The following GRIK2 variants were observed in gnomAD, a reference collection of about 807,000 sequenced individuals.
GRIK2 encodes the protein glutamate ionotropic receptor kainate type subunit 2, also known as glutamate receptor ionotropic, kainate 2.
Under a neutral mutation model 100.3 loss-of-function variants are expected in GRIK2, and 32 were observed. That is an observed-to-expected ratio of 0.32 (90% CI 0.24 to 0.43). The LOEUF is 0.43. Among genes scored for constraint, GRIK2 ranks in the 20% least tolerant of loss-of-function variants. The pLI is 1.00. For missense variants in GRIK2, 843 were observed against 1,114.9 expected (o/e 0.76, Z 3.47); for synonymous variants, 417 against 389.4 (o/e 1.07, Z -0.83).
intron 2 of GRIK2, among the ~76,000 whole-genome samples, chr6:101,494,104 A>G (rs1351832355): frequency 1.3e-5 from 2 of 149,616 alleles, no homozygotes; most frequent in African/African-American, 4.9e-5. Flanking sequence ...ACACAGCAGA[A>G]ACAGTTTTAT....
At chr6:101,975,365 A>G (rs191352998) in intron 14 of GRIK2, among the ~76,000 whole-genome samples, 7 of 152,126 alleles carry the variant, frequency 4.6e-5, no homozygotes, top group Non-Finnish European at 2.9e-5. Flanking sequence ...CACTTAATTC[A>G]CCAAGATTTA....
chr6:101,966,856 G>T (rs1049892027), intron 14 of GRIK2, among the ~76,000 whole-genome samples: 1 of 151,898 alleles, frequency 6.6e-6, no homozygotes, highest in Non-Finnish European at 1.5e-5. Flanking sequence ...ATACTCTCCA[G>T]TACTTGTTAT....
intron 14 of GRIK2, among the ~76,000 whole-genome samples, chr6:101,972,336 C>A (rs1051667613): frequency 6.6e-6 from 1 of 152,130 alleles, no homozygotes; most frequent in Admixed American, 6.6e-5. Flanking sequence ...TTTTGATTTA[C>A]ATTTCTCTGA....
chr6:101,573,266 T>C (rs1777641849), intron 2 of GRIK2, among the ~76,000 whole-genome samples: 1 of 152,180 alleles, frequency 6.6e-6, no homozygotes, highest in Non-Finnish European at 1.5e-5. Context: ...TCGAATCATC[T>C]TTTATTGTCT....
intron 7 of GRIK2, among the ~76,000 whole-genome samples, chr6:101,732,070 T>C (rs2128371775): frequency 6.6e-6 from 1 of 152,152 alleles, no homozygotes; most frequent in East Asian, 1.9e-4. Flanking sequence ...TATTATATAA[T>C]ACATTTGTCA....
At chr6:101,652,900 A>C (rs958523228) in intron 4 of GRIK2, among the ~76,000 whole-genome samples, 1 of 151,170 alleles carries the variant, frequency 6.6e-6, no homozygotes, top group African/African-American at 2.5e-5. Flanking sequence ...TGTGTTTGCC[A>C]TAGGAAAGAG....
chr6:102,035,449 G>C lies in GRIK2; in HGVS notation c.2194G>C (p.Asp732His). The stretch of plus-strand genomic sequence containing the variant: ...AGGAATCCAGCGAGTCCTCACCTCT[G>C]ATTATGCTTTCCTAATGGAGTCAAC... ...EEGIQRVLTS[D>H]YAFLMESTTI... Residue 732 changes from aspartate (D) to histidine (H), a missense_variant, in exon 15 of 17, where the codon GAT becomes CAT. By Grantham distance (81) the Asp-to-His change is moderately conservative. Transcript: ENST00000369134. The C allele has an allele frequency of 6.2e-7, 1 of 1,608,804 alleles. No homozygotes were observed. The highest frequency in any genetic ancestry group is 8.5e-7 in the Non-Finnish European group (1 of 1,176,122).
chr6:101,914,065 G>A (rs186033152), intron 12 of GRIK2, among the ~76,000 whole-genome samples: 1 of 151,496 alleles, frequency 6.6e-6, no homozygotes, highest in African/African-American at 2.4e-5. Flanking sequence ...GAGATGTGTT[G>A]GTTTGGAGGT....
At chr6:101,444,544 A>G (rs1770258316) in intron 2 of GRIK2, among the ~76,000 whole-genome samples, 1 of 152,130 alleles carries the variant, frequency 6.6e-6, no homozygotes, top group Non-Finnish European at 1.5e-5. Context: ...TTTTAAAGGT[A>G]TAATGATTCA....
chr6:101,808,360 A>G (rs1055994718), intron 9 of GRIK2, among the ~76,000 whole-genome samples: 1 of 152,086 alleles, frequency 6.6e-6, no homozygotes, highest in Admixed American at 6.6e-5. Flanking sequence ...AGAATTTCCT[A>G]TAGGAAACTG....
intron 2 of GRIK2, among the ~76,000 whole-genome samples, chr6:101,610,247 A>G (rs942756335): frequency 9.2e-5 from 14 of 151,780 alleles, no homozygotes; most frequent in African/African-American, 3.4e-4. Flanking sequence ...CATATAAATA[A>G]TAGATACTGT....
At chr6:101,481,644 T>C (rs1260970943) in intron 2 of GRIK2, among the ~76,000 whole-genome samples, 1 of 152,186 alleles carries the variant, frequency 6.6e-6, no homozygotes, top group African/African-American at 2.4e-5. Context: ...TTCTGATAAA[T>C]ACAATTTAAT....
At chr6:102,025,678 T>C (rs1224272903) in intron 14 of GRIK2, among the ~76,000 whole-genome samples, 2 of 151,346 alleles carry the variant, frequency 1.3e-5, no homozygotes, top group Non-Finnish European at 3.0e-5. Flanking sequence ...CATACTCATA[T>C]TGTGATATGT....
chr6:101,906,374 G>GTGTGTGTGTGTGTGTT (rs753426869), intron 12 of GRIK2, among the ~76,000 whole-genome samples: 13,381 of 151,018 alleles, frequency 0.089, 777 homozygotes, highest in Middle Eastern at 0.2. Flanking sequence ...ATCTGTGTGT[G>GTGTGTGTGTGTGTGTT]TGTGTGTGTG....
At chr6:101,753,210 G>A (rs572229866) in intron 7 of GRIK2, among the ~76,000 whole-genome samples, 21 of 150,802 alleles carry the variant, frequency 1.4e-4, no homozygotes, top group Non-Finnish European at 2.9e-4. Context: ...GTGAACCTGG[G>A]AGGCGGAGCT....
At chr6:101,648,101 T>C (rs1437977004) in intron 4 of GRIK2, among the ~76,000 whole-genome samples, 1 of 152,082 alleles carries the variant, frequency 6.6e-6, no homozygotes, top group Non-Finnish European at 1.5e-5. Context: ...ACTGGCTTCA[T>C]TTGAGTATAT....
At chr6:101,675,576 T>C (rs1242069325) in intron 4 of GRIK2, among the ~76,000 whole-genome samples, 1 of 152,178 alleles carries the variant, frequency 6.6e-6, no homozygotes, top group East Asian at 1.9e-4. Context: ...TTTTATATAG[T>C]GGATCTTTTG....
chr6:101,399,684 C>G (rs1016403708), intron 2 of GRIK2, among the ~76,000 whole-genome samples: 1 of 152,184 alleles, frequency 6.6e-6, no homozygotes, highest in Non-Finnish European at 1.5e-5. Context: ...CACGGTCAGC[C>G]GCCACTCCCG....
At chr6:101,888,480 T>C (rs1417597301) in intron 11 of GRIK2, among the ~76,000 whole-genome samples, 2 of 152,162 alleles carry the variant, frequency 1.3e-5, no homozygotes. Flanking sequence ...GAATATGAAA[T>C]GTGATGATGC....
Sources: gnomAD v4.1 joint callset for allele counts (sites outside exome capture counted in the v4.1 genomes callset) on GRCh38, gnomAD v4.1.1 for gene constraint, MANE v1.5 for transcripts, NCBI Gene and HGNC (gene_info 2026-07-23, HGNC 2026-07-21) for gene names.